EPB41L1: variants seen among roughly 807,000 people sequenced by gnomAD.
The protein encoded by EPB41L1 is erythrocyte membrane protein band 4.1 like 1.
A neutral mutation model predicts 97.8 loss-of-function variants in EPB41L1; 29 were observed. The observed-to-expected ratio is 0.30, with a 90% CI of 0.22 to 0.40. EPB41L1 has a LOEUF of 0.40. EPB41L1 is among the 10% of genes least tolerant of loss of function. The probability of loss-of-function intolerance (pLI) is 1.00; values close to 1 mark genes in which losing one functional copy is unlikely to be tolerated. For missense variants in EPB41L1, 812 were observed against 1,162.3 expected (o/e 0.70, Z 4.38); for synonymous variants, 383 against 459.2 (o/e 0.83, Z 2.12).
intron 1 of EPB41L1, among the ~76,000 whole-genome samples, chr20:36,167,519 C>A (rs2145772416): frequency 6.6e-6 from 1 of 152,092 alleles, no homozygotes; most frequent in Admixed American, 6.6e-5. Context: ...CCACCCTGGG[C>A]AACATGGTGA....
In EPB41L1 at chr20:36,107,379, C is replaced by A. The variant is rs565096731; in HGVS notation, c.-64-5047C>A. On this transcript the variant is annotated intron_variant, in intron 1 of 19. Coordinates refer to the EPB41L1 transcript ENST00000202028. ...GGGATTACAGATGCACACCACCATA[C>A]CCGGCTAATTTTTGTATTTTTAGTA... Among the ~76,000 whole-genome samples, 8 of 151,460 alleles carry A rather than the reference C, an allele frequency of 5.3e-5. No individual in the cohort carries two copies. In the South Asian group the frequency reaches 1.7e-3, roughly 32 times the overall value.
chr20:36,160,948 G>T (rs1183640865), intron 1 of EPB41L1, among the ~76,000 whole-genome samples: 1 of 152,138 alleles, frequency 6.6e-6, no homozygotes, highest in Non-Finnish European at 1.5e-5. Context: ...CCAATTTTAC[G>T]GTATTCTAAG....
At chr20:36,185,725 C>T (rs1245941256) in intron 7 of EPB41L1, among the ~76,000 whole-genome samples, 1 of 152,226 alleles carries the variant, frequency 6.6e-6, no homozygotes, top group African/African-American at 2.4e-5. Context: ...GGTTCCTATA[C>T]TGGCTCTGCC....
At chr20:36,201,675 A>G (rs1462778809) in intron 14 of EPB41L1, among the ~76,000 whole-genome samples, 1 of 152,164 alleles carries the variant, frequency 6.6e-6, no homozygotes, top group East Asian at 1.9e-4. Flanking sequence ...TGAGGAGGCC[A>G]TTGCTTCTAT....
intron 21 of EPB41L1, among the ~76,000 whole-genome samples, 162 bp downstream of exon 21, chr20:36,222,556 C>T (rs1361637964): frequency 2.6e-5 from 4 of 152,082 alleles, no homozygotes; most frequent in African/African-American, 4.8e-5. Flanking sequence ...GAGAGAGGCA[C>T]CTCCCCGAGA....
chr20:36,124,472 C>T (rs2058882754), intron 2 of EPB41L1, among the ~76,000 whole-genome samples: 1 of 152,186 alleles, frequency 6.6e-6, no homozygotes, highest in Admixed American at 6.5e-5. Context: ...CCGTCAGCCA[C>T]AGGAGTCTTC....
chr20:36,180,457 T>G (rs2061431330), intron 5 of EPB41L1, among the ~76,000 whole-genome samples: 1 of 152,176 alleles, frequency 6.6e-6, no homozygotes, highest in Admixed American at 6.5e-5. Context: ...TCCTGCCTCA[T>G]GAAGTGGGGG....
intron 1 of EPB41L1, among the ~76,000 whole-genome samples, chr20:36,157,190 C>A (rs2060343731): frequency 6.6e-6 from 1 of 152,096 alleles, no homozygotes; most frequent in Non-Finnish European, 1.5e-5. Flanking sequence ...TGCCACTGCA[C>A]TCCAGCCTGG....
In EPB41L1 at chr20:36,229,539, C is replaced by A; in HGVS notation, c.*199C>A. 4.2e-6 allele frequency: 2 copies of A among 477,440 alleles called. No individual in the cohort carries two copies. The highest frequency in any genetic ancestry group is 7.6e-6 in the Non-Finnish European group (2 of 262,358). 29.6% of individuals were successfully genotyped at this position (477,440 alleles called of 1,614,324 possible). A position where few individuals can be genotyped will look rare whatever the true frequency, so the allele number is the denominator to read the frequency against. On this transcript the variant is annotated 3_prime_UTR_variant, in exon 22 of 22. Transcript: ENST00000338074. ...ATATATATACAGGAAACACCGCATCCTTGCACTGCTGCTGGGGCTGGCAGA... is the reference window on the plus strand; with the variant it reads ...ATATATATACAGGAAACACCGCATCATTGCACTGCTGCTGGGGCTGGCAGA...
intron 1 of EPB41L1, among the ~76,000 whole-genome samples, chr20:36,160,356 G>A (rs1448514905): frequency 1.3e-5 from 2 of 152,188 alleles, no homozygotes; most frequent in Non-Finnish European, 2.9e-5. Flanking sequence ...GGCTGAGGCG[G>A]GTAGATCACC....
intron 19 of EPB41L1, 50 bp downstream of exon 19, chr20:36,219,894 A>T: frequency 6.7e-7 from 1 of 1,496,968 alleles, no homozygotes; most frequent in Non-Finnish European, 9.3e-7. Context: ...GCAGGCGAGA[A>T]GGTCATGACT....
intron 2 of EPB41L1, among the ~76,000 whole-genome samples, chr20:36,126,751 G>A (rs1403373380): frequency 6.6e-6 from 1 of 152,170 alleles, no homozygotes; most frequent in Non-Finnish European, 1.5e-5. Flanking sequence ...GCTCCTGCGT[G>A]CTCCCTCTCT....
intron 1 of EPB41L1, among the ~76,000 whole-genome samples, chr20:36,169,841 C>T (rs1165609880): frequency 6.6e-6 from 1 of 152,246 alleles, no homozygotes; most frequent in Non-Finnish European, 1.5e-5. Flanking sequence ...ACATACATGG[C>T]AAATCTAAAT....
At chr20:36,138,399 G>A (rs2059501490) in intron 2 of EPB41L1, among the ~76,000 whole-genome samples, 1 of 151,806 alleles carries the variant, frequency 6.6e-6, no homozygotes, top group South Asian at 2.1e-4. Flanking sequence ...CCGAGTAGCT[G>A]GGATTACAGC....
intron 1 of EPB41L1, chr20:36,109,938 GTTT>G (rs35320427): frequency 2.2e-5 from 3 of 137,266 alleles, no homozygotes; most frequent in Non-Finnish European, 4.8e-5. Context: ...TCTTGACATT[GTTT>G]TTTTTTTTTT....
Position 36,155,562 on chromosome 20 carries a change from G to A in EPB41L1, c.-15+666G>A, listed in dbSNP as rs550335546. On this transcript the variant is annotated intron_variant, in intron 1 of 21. Transcript: ENST00000338074. ...GGCTGGGGTCTCAGGGATGGGCATG[G>A]GGGGCCAATGTCTACAGCCATTGGG... 162 of 456,240 alleles carry A rather than the reference G, an allele frequency of 3.6e-4. 1 individual carries two copies. Among genetic ancestry groups the A allele is most frequent in the South Asian group, 2.4e-3 (156 of 64,494 alleles). 28.3% of individuals were successfully genotyped at this position (456,240 alleles called of 1,614,324 possible). A position where few individuals can be genotyped will look rare whatever the true frequency, so the allele number is the denominator to read the frequency against.
intron 2 of EPB41L1, among the ~76,000 whole-genome samples, chr20:36,145,430 G>T (rs1285926979): frequency 2.0e-5 from 3 of 150,764 alleles, no homozygotes; most frequent in Non-Finnish European, 2.9e-5. Flanking sequence ...CCCAGATATT[G>T]CTGGTGTTCC....
intron 17 of EPB41L1, among the ~76,000 whole-genome samples, chr20:36,215,115 A>G (rs1043589943): frequency 2.0e-5 from 3 of 151,390 alleles, no homozygotes; most frequent in African/African-American, 7.3e-5. Context: ...GTTCCAGTCA[A>G]TGTGCTGAGA....
intron 1 of EPB41L1, among the ~76,000 whole-genome samples, chr20:36,104,189 G>A (rs143480827): frequency 6.6e-6 from 1 of 152,138 alleles, no homozygotes; most frequent in Admixed American, 6.5e-5. Flanking sequence ...GTGAGTTGAG[G>A]GGGGAGTCAT....
Sources: gnomAD v4.1 joint callset for allele counts (sites outside exome capture counted in the v4.1 genomes callset) on GRCh38, gnomAD v4.1.1 for gene constraint, MANE v1.5 for transcripts, NCBI Gene and HGNC (gene_info 2026-07-23, HGNC 2026-07-21) for gene names.